SIPA1L1: variants seen among roughly 807,000 people sequenced by gnomAD.
SIPA1L1 encodes signal induced proliferation associated 1 like 1.
A neutral mutation model predicts 162.7 loss-of-function variants in SIPA1L1; 26 were observed. The observed-to-expected ratio is 0.16, with a 90% CI of 0.12 to 0.22. The LOEUF is 0.22. SIPA1L1 is among the 10% of genes least tolerant of loss of function. SIPA1L1 has a pLI of 1.00. For synonymous variants in SIPA1L1, 829 were observed against 837.4 expected (o/e 0.99, Z 0.17); for missense variants, 1,874 against 2,241.0 (o/e 0.84, Z 3.31).
At chr14:71,691,984 C>T (rs768990933) in intron 13 of SIPA1L1, among the ~76,000 whole-genome samples, 2 of 152,224 alleles carry the variant, frequency 1.3e-5, no homozygotes, top group Non-Finnish European at 2.9e-5. Context: ...GCCACAGACT[C>T]TGGCATTTAA....
intron 5 of SIPA1L1, among the ~76,000 whole-genome samples, chr14:71,592,844 C>G (rs2035572810): frequency 6.6e-6 from 1 of 152,166 alleles, no homozygotes; most frequent in South Asian, 2.1e-4. Flanking sequence ...GTAGAGGAAT[C>G]CCATTGTTTG....
intron 2 of SIPA1L1, chr14:71,330,627 C>T (rs1334071224): frequency 3.9e-5 from 36 of 930,202 alleles, no homozygotes; most frequent in Admixed American, 6.8e-5. Context: ...TGGTTTGGGG[C>T]GGAAACTGGG....
At chr14:71,538,595 C>T (rs2054106774) in intron 4 of SIPA1L1, among the ~76,000 whole-genome samples, 1 of 152,234 alleles carries the variant, frequency 6.6e-6, no homozygotes, top group African/African-American at 2.4e-5. Context: ...AGTTCACTGT[C>T]TTCCTAAGGT....
intron 7 of SIPA1L1, among the ~76,000 whole-genome samples, chr14:71,647,427 C>A (rs2042261931): frequency 6.6e-6 from 1 of 151,508 alleles, no homozygotes; most frequent in Non-Finnish European, 1.5e-5. Flanking sequence ...TAAATTAATC[C>A]TTTTGAGTGT....
chr14:71,570,225 A>AT (rs925500434), intron 4 of SIPA1L1, among the ~76,000 whole-genome samples: 5 of 151,412 alleles, frequency 3.3e-5, no homozygotes, highest in Admixed American at 6.6e-5. Context: ...TCAGTCTACT[A>AT]TTTTTTTTCT....
chr14:71,494,576 G>C (rs1293205850), intron 2 of SIPA1L1, among the ~76,000 whole-genome samples: 2 of 149,864 alleles, frequency 1.3e-5, no homozygotes, highest in African/African-American at 2.5e-5. Flanking sequence ...ACCCAGGCTG[G>C]AGTGCAGTGA....
intron 2 of SIPA1L1, among the ~76,000 whole-genome samples, chr14:71,412,218 G>A (rs1367420960): frequency 6.6e-6 from 1 of 152,202 alleles, no homozygotes; most frequent in East Asian, 1.9e-4. Context: ...CCATCCTGCA[G>A]CCCACGAGCC....
At position 71,377,018 on chromosome 14, in the gene SIPA1L1, AT is replaced by A. The variant is rs2039437179; in HGVS notation, c.-465+55839del. Among the ~76,000 whole-genome samples, 1 of 152,102 alleles carries A rather than the reference AT, an allele frequency of 6.6e-6. No homozygotes were observed. The highest frequency in any genetic ancestry group is 1.5e-5 in the Non-Finnish European group (1 of 68,008). On this transcript the variant is annotated intron_variant, in intron 2 of 23. Transcript: ENST00000381232. This position sits in a 1 kb window ranked among gnomAD's most constrained non-coding sequence, Gnocchi z 4.8. ...TCTATTCGACAAAACCACCATCGTC[AT>A]TATGGCCCGTTCTCAGTGAGCTGTT...
chr14:71,326,102 A>G (rs567013261), intron 2 of SIPA1L1, among the ~76,000 whole-genome samples: 40 of 152,272 alleles, frequency 2.6e-4, no homozygotes, highest in African/African-American at 8.9e-4. Flanking sequence ...ACAGATATGA[A>G]AGTTAATTGT....
At chr14:71,594,999 C>T (rs1192955731) in intron 5 of SIPA1L1, among the ~76,000 whole-genome samples, 1 of 152,138 alleles carries the variant, frequency 6.6e-6, no homozygotes, top group East Asian at 1.9e-4. Flanking sequence ...TCACTGTGAT[C>T]TCAAAGTCCC....
At chr14:71,612,791 A>G (rs2038381127) in intron 5 of SIPA1L1, among the ~76,000 whole-genome samples, 1 of 152,212 alleles carries the variant, frequency 6.6e-6, no homozygotes, top group Non-Finnish European at 1.5e-5. Context: ...TGATCTAATT[A>G]CTTTGAGCTT....
At chr14:71,457,948 C>CT (rs574322856) in intron 2 of SIPA1L1, among the ~76,000 whole-genome samples, 343 of 152,128 alleles carry the variant, frequency 2.3e-3, no homozygotes, top group African/African-American at 8.0e-3. Context: ...GATTCCAGTT[C>CT]TTTTTTTGGA....
At chr14:71,691,456 T>C (rs1484735951) in intron 13 of SIPA1L1, among the ~76,000 whole-genome samples, 1 of 151,932 alleles carries the variant, frequency 6.6e-6, no homozygotes, top group Non-Finnish European at 1.5e-5. Context: ...TAGCCAGGTG[T>C]GGTGGCACAT....
chr14:71,480,884 G>C (rs2048305728), intron 2 of SIPA1L1, among the ~76,000 whole-genome samples: 1 of 152,158 alleles, frequency 6.6e-6, no homozygotes, highest in Non-Finnish European at 1.5e-5. Context: ...TCTGTGCTAG[G>C]ATCACAGTGG....
At chr14:71,580,214 C>A (rs1186439214) in intron 4 of SIPA1L1, among the ~76,000 whole-genome samples, 1 of 152,200 alleles carries the variant, frequency 6.6e-6, no homozygotes, top group African/African-American at 2.4e-5. Flanking sequence ...GCCACTGATA[C>A]CACGTAGCAC....
chr14:71,636,450 T>A (rs561473035), intron 7 of SIPA1L1, among the ~76,000 whole-genome samples: 7 of 152,142 alleles, frequency 4.6e-5, no homozygotes, highest in African/African-American at 1.7e-4. Flanking sequence ...AACCAGTAGG[T>A]CAAAGAAAAC....
At position 71,383,323 on chromosome 14, in the gene SIPA1L1, T is replaced by C. The variant is rs77481005; in HGVS notation, c.-465+62142T>C. 4.9e-3 allele frequency among the ~76,000 whole-genome samples: 744 copies of C among 152,298 alleles called. 6 individuals carry two copies. Among genetic ancestry groups the C allele is most frequent in the African/African-American group, 0.017 (699 of 41,552 alleles). ...CACTCTTACTTGCTATGTTATACTT[T>C]GGGAAATGTAGCAAAGCTGGATGGG... On this transcript the variant is annotated intron_variant, in intron 2 of 23. Coordinates refer to ENST00000381232, the MANE Select transcript of SIPA1L1 (RefSeq NM_001386936.1).
chr14:71,726,553 C>T (rs2150262587), intron 19 of SIPA1L1, among the ~76,000 whole-genome samples: 1 of 152,260 alleles, frequency 6.6e-6, no homozygotes, highest in Non-Finnish European at 1.5e-5. Flanking sequence ...TGATTTTGTC[C>T]TTATTCCAGG....
chr14:71,573,643 A>G (rs1386453802), intron 4 of SIPA1L1: 2 of 456,654 alleles, frequency 4.4e-6, no homozygotes, highest in South Asian at 1.5e-5. Flanking sequence ...ACAACTATGC[A>G]TTTCCAAATG....
Sources: allele counts gnomAD v4.1 joint callset (sites outside exome capture counted in the v4.1 genomes callset), GRCh38; gene constraint gnomAD v4.1.1; non-coding constraint Gnocchi (gnomAD v3.1); transcripts MANE v1.5; gene names NCBI Gene and HGNC (gene_info 2026-07-23, HGNC 2026-07-21).